GOPC: variants seen among roughly 807,000 people sequenced by gnomAD.
GOPC encodes the protein golgi associated PDZ and coiled-coil motif containing, also known as Golgi-associated PDZ and coiled-coil motif-containing protein.
In GOPC, 32 loss-of-function variants were observed where a neutral mutation model predicts 51.2. The observed-to-expected ratio is 0.63, with a 90% CI of 0.47 to 0.84. The LOEUF is 0.84. Ranked by LOEUF, GOPC falls within the 40% of genes least tolerant of loss-of-function variation. The pLI is 0.00. For synonymous variants in GOPC, 190 were observed against 205.1 expected, an observed-to-expected ratio of 0.93 and a Z score of 0.63; for missense variants, 441 against 555.5, an observed-to-expected ratio of 0.79 and a Z score of 2.07.
chr6:117,574,486 G>A (rs910654348), intron 4 of GOPC, among the ~76,000 whole-genome samples: 2 of 151,972 alleles, frequency 1.3e-5, no homozygotes, highest in African/African-American at 4.8e-5. Flanking sequence ...TTTTTTTGAA[G>A]GGCAAGAAAG....
chr6:117,574,203 G>A (rs892739870), intron 4 of GOPC, among the ~76,000 whole-genome samples: 4 of 150,962 alleles, frequency 2.6e-5, no homozygotes, highest in African/African-American at 9.8e-5. Flanking sequence ...GTGAGCCAAC[G>A]TTGCACCACT....
chr6:117,577,651 CTT>C (rs1399782469), intron 2 of GOPC, among the ~76,000 whole-genome samples, 180 bp from the exon 3 acceptor site: 1 of 152,008 alleles, frequency 6.6e-6, no homozygotes, highest in Non-Finnish European at 1.5e-5. Flanking sequence ...TAGATTAAAA[CTT>C]TTTGTTTTAT....
At chr6:117,566,551 C>T (rs540243966) in intron 8 of GOPC, among the ~76,000 whole-genome samples, 143 of 152,196 alleles carry the variant, frequency 9.4e-4, no homozygotes, top group African/African-American at 3.2e-3. Flanking sequence ...GATAGATCTA[C>T]TCAAAATAGT....
chr6:117,589,145 A>G (rs1050822765), intron 1 of GOPC, among the ~76,000 whole-genome samples: 1 of 152,240 alleles, frequency 6.6e-6, no homozygotes, highest in Admixed American at 6.5e-5. Flanking sequence ...TCTGGGCCAC[A>G]TGCAGCCCAC....
chr6:117,570,983 G>T, intron 5 of GOPC, 28 bp from the exon 6 acceptor site: 1 of 1,205,834 alleles, frequency 8.3e-7, no homozygotes, highest in Non-Finnish European at 1.2e-6. Flanking sequence ...AGAAGAAAAA[G>T]TAGTATCATT....
At chr6:117,576,185 G>A (rs954541842) in intron 3 of GOPC, among the ~76,000 whole-genome samples, 2 of 151,616 alleles carry the variant, frequency 1.3e-5, no homozygotes, top group African/African-American at 2.4e-5. Flanking sequence ...ACACATACAA[G>A]CTAAAATTAA....
intron 1 of GOPC, among the ~76,000 whole-genome samples, chr6:117,587,115 G>A (rs1199209588): frequency 1.3e-5 from 2 of 152,026 alleles, no homozygotes; most frequent in Non-Finnish European, 1.5e-5. Flanking sequence ...CTTACTTCAG[G>A]TCAGCTCTTG....
At position 117,561,539 on chromosome 6, in the gene GOPC, G is replaced by T; in HGVS notation, c.*1715C>A. 4.7e-6 allele frequency: 1 copy of T among 214,058 alleles called. No homozygotes were observed. Among genetic ancestry groups the T allele is most frequent in the Non-Finnish European group, 9.5e-6 (1 of 105,638 alleles). 13.3% of individuals were successfully genotyped at this position (214,058 alleles called of 1,614,324 possible). A position where few individuals can be genotyped will look rare whatever the true frequency, so the allele number is the denominator to read the frequency against. ...GTTTGCAGATCTCATGTCATGCATGGAAGGTATGTGTTTGGCATAGGGGAT... is the reference window on the plus strand; with the variant it reads ...GTTTGCAGATCTCATGTCATGCATGTAAGGTATGTGTTTGGCATAGGGGAT... On this transcript the variant is annotated 3_prime_UTR_variant, in exon 9 of 9. Coordinates refer to ENST00000368498, the MANE Select transcript of GOPC (RefSeq NM_020399.4).
In GOPC at chr6:117,560,341, C is replaced by T. The variant is rs1451388382; in HGVS notation, c.*2913G>A. Reference sequence around the variant, plus strand: ...ATCATTTTAATGTAGAAGATGCCATCTTTATTTACAGGCTAATAAAAAAAT... The same window carrying T: ...ATCATTTTAATGTAGAAGATGCCATTTTTATTTACAGGCTAATAAAAAAAT... On this transcript the variant is annotated 3_prime_UTR_variant, in exon 9 of 9. Transcript: ENST00000368498. 5.6e-6 allele frequency: 1 copy of T among 179,594 alleles called. No homozygotes were observed. The highest frequency in any genetic ancestry group is 2.4e-5 in the African/African-American group (1 of 42,322). The allele number at this position is 179,594 out of a possible 1,614,324, so 11.1% of individuals were successfully genotyped here.
intron 1 of GOPC, among the ~76,000 whole-genome samples, chr6:117,591,130 G>A: frequency 6.6e-6 from 1 of 152,164 alleles, no homozygotes; most frequent in Non-Finnish European, 1.5e-5. Flanking sequence ...GGGATTACAG[G>A]CGTGAACCAC....
intron 2 of GOPC, 51 bp downstream of exon 2, chr6:117,578,849 G>C (rs990816327): frequency 3.0e-6 from 4 of 1,334,954 alleles, no homozygotes; most frequent in Non-Finnish European, 4.1e-6. Flanking sequence ...AAATTGTCCT[G>C]TACACCCTGT....
intron 1 of GOPC, among the ~76,000 whole-genome samples, chr6:117,592,123 T>C (rs1024201802): frequency 6.6e-6 from 1 of 152,184 alleles, no homozygotes; most frequent in Non-Finnish European, 1.5e-5. Flanking sequence ...TCCCAGCACT[T>C]TGGGAGGCCA....
Position 117,579,055 on chromosome 6 carries a change from C to T in GOPC, c.295G>A (p.Val99Met). 6.9e-6 allele frequency: 11 copies of T among 1,602,384 alleles called. No individual in the cohort carries two copies. The highest frequency in any genetic ancestry group is 8.5e-6 in the Non-Finnish European group (10 of 1,176,000). ...TCTGTCAGTTCAGATTTCAGATCCA[C>T]CAACTGTGCCTTATAAAGAAAACAA... ...QINHKLEAQL[V>M]DLKSELTETQ... Residue 99 changes from valine to methionine, a missense_variant, in exon 2 of 9, where the codon GTG becomes ATG. Coordinates refer to ENST00000368498, the MANE Select transcript of GOPC (RefSeq NM_020399.4).
chr6:117,569,094 C>T (rs758258641), intron 7 of GOPC, among the ~76,000 whole-genome samples: 13 of 152,276 alleles, frequency 8.5e-5, no homozygotes, highest in Non-Finnish European at 1.8e-4. Flanking sequence ...TCGCTAAGAA[C>T]TTTAGTTTAC....
chr6:117,600,209 G>A (rs1392348682), intron 1 of GOPC, among the ~76,000 whole-genome samples: 2 of 152,140 alleles, frequency 1.3e-5, no homozygotes, highest in African/African-American at 4.8e-5. Context: ...GTGTCACATG[G>A]CAAGGAGGCT....
At chr6:117,576,979 A>G (rs369963665) in intron 3 of GOPC, among the ~76,000 whole-genome samples, 5 of 152,078 alleles carry the variant, frequency 3.3e-5, no homozygotes, top group African/African-American at 9.7e-5. Flanking sequence ...TCAAAATTCA[A>G]TTGTTTCAAA....
chr6:117,579,073 GA>G lies in GOPC; in HGVS notation c.286-10del. On this transcript the variant is annotated splice_polypyrimidine_tract_variant and intron_variant, in intron 1 of 8. Coordinates refer to ENST00000368498, the MANE Select transcript of GOPC (RefSeq NM_020399.4). ...AGATCCACCAACTGTGCCTTATAAA[GA>G]AAACAATAGAAGAAATTAAGGATGC... 6.3e-7 allele frequency: 1 copy of G among 1,580,330 alleles called. No homozygotes were observed. The highest frequency in any genetic ancestry group is 8.6e-7 in the Non-Finnish European group (1 of 1,167,556).
At chr6:117,592,961 T>A (rs926635280) in intron 1 of GOPC, among the ~76,000 whole-genome samples, 2 of 152,236 alleles carry the variant, frequency 1.3e-5, no homozygotes, top group African/African-American at 4.8e-5. Flanking sequence ...CTTGTCTGTA[T>A]AACAAACTCC....
In GOPC at chr6:117,602,099, A is replaced by T. The variant is rs754054857; in HGVS notation, c.190T>A (p.Tyr64Asn). 6.2e-7 allele frequency: 1 copy of T among 1,614,088 alleles called. No homozygotes were observed. Among genetic ancestry groups the T allele is most frequent in the Admixed American group, 1.7e-5 (1 of 60,010 alleles). Residue 64 changes from tyrosine (Y) to asparagine (N), a missense_variant, in exon 1 of 9, where the codon TAT becomes AAT. Coordinates refer to ENST00000368498, the MANE Select transcript of GOPC (RefSeq NM_020399.4). The stretch of plus-strand genomic sequence containing the variant: ...CTGGTCATCTTCTGTCGCCCCTCAT[A>T]AGTGATGTCCGCTTGGTCTGGATCG... ...EIDPDQADIT[Y>N]EGRQKMTSLS...
Sources: allele counts gnomAD v4.1 joint callset (sites outside exome capture counted in the v4.1 genomes callset), GRCh38; gene constraint gnomAD v4.1.1; transcripts MANE v1.5; gene names NCBI Gene and HGNC (gene_info 2026-07-23, HGNC 2026-07-21).